The following NRXN3 variants were observed in gnomAD, a reference collection of about 807,000 sequenced individuals.
NRXN3 encodes the protein neurexin III.
NRXN3 carries 32 observed loss-of-function variants against 137.6 expected under a neutral mutation model. That is an observed-to-expected ratio of 0.23 (90% CI 0.18 to 0.31). NRXN3 has a LOEUF of 0.31. Among genes scored for constraint, NRXN3 ranks in the 10% least tolerant of loss-of-function variants. The pLI is 1.00. For synonymous variants in NRXN3, 798 were observed against 784.5 expected, an observed-to-expected ratio of 1.02 and a Z score of -0.29; for missense variants, 1,574 against 2,062.5, an observed-to-expected ratio of 0.76 and a Z score of 4.59.
chr14:78,782,600 A>G (rs772511103), intron 8 of NRXN3, among the ~76,000 whole-genome samples: 1 of 152,210 alleles, frequency 6.6e-6, no homozygotes, highest in Non-Finnish European at 1.5e-5. Flanking sequence ...GACTGGGTCT[A>G]AGGACCTTCA....
intron 16 of NRXN3, among the ~76,000 whole-genome samples, chr14:79,628,819 G>A (rs771560384): frequency 9.9e-5 from 15 of 152,188 alleles, no homozygotes; most frequent in Non-Finnish European, 1.5e-4. Context: ...ACTGTACGAC[G>A]TGAAAGTAGA....
intron 20 of NRXN3, among the ~76,000 whole-genome samples, chr14:79,810,279 G>A (rs2099227200): frequency 6.6e-6 from 1 of 152,112 alleles, no homozygotes; most frequent in South Asian, 2.1e-4. Flanking sequence ...TCGTTATCCA[G>A]GGGTATATTT....
chr14:79,196,043 A>G (rs540529861), intron 15 of NRXN3, among the ~76,000 whole-genome samples: 14 of 152,334 alleles, frequency 9.2e-5, no homozygotes, highest in Non-Finnish European at 1.6e-4. Context: ...CCAGATTGAC[A>G]TCCTCAAGTT....
intron 17 of NRXN3, among the ~76,000 whole-genome samples, chr14:79,668,343 G>A (rs1468099420): frequency 1.3e-5 from 2 of 151,932 alleles, no homozygotes; most frequent in Non-Finnish European, 2.9e-5. Flanking sequence ...CCTTCATATC[G>A]GTTATTACAT....
At chr14:78,468,233 C>T (rs901995134) in intron 4 of NRXN3, among the ~76,000 whole-genome samples, 3 of 152,078 alleles carry the variant, frequency 2.0e-5, no homozygotes, top group Non-Finnish European at 2.9e-5. Context: ...CCCAAAATTC[C>T]GTAGTTTAAA....
chr14:78,312,510 T>C (rs920903957), intron 4 of NRXN3, among the ~76,000 whole-genome samples: 10 of 152,232 alleles, frequency 6.6e-5, no homozygotes, highest in African/African-American at 1.9e-4. Flanking sequence ...TGTTGCTTAA[T>C]AGTTGTTTGC....
rs549191172 is a variant in NRXN3 at position 78,688,863 on chromosome 14, T to C, written c.1222-20354T>C. Among the ~76,000 whole-genome samples the C allele has an allele frequency of 2.0e-5, 3 of 151,990 alleles. No homozygotes were observed. The South Asian group carries it at 6.3e-4, about 32-fold the overall frequency. ...ATAGGAAAAGTATAGAGAAAAAAGATTGAGCGCTCACATTAATAAAATCAG... is the reference window on the plus strand; with the variant it reads ...ATAGGAAAAGTATAGAGAAAAAAGACTGAGCGCTCACATTAATAAAATCAG... On this transcript the variant is annotated intron_variant, in intron 6 of 20. Coordinates refer to ENST00000335750, the MANE Select transcript of NRXN3 (RefSeq NM_001330195.2).
chr14:79,307,399 G>A (rs1024825582), intron 15 of NRXN3, among the ~76,000 whole-genome samples: 1 of 152,014 alleles, frequency 6.6e-6, no homozygotes, highest in Admixed American at 6.6e-5. Context: ...AAATCCATGA[G>A]TTCATTCTGA....
intron 10 of NRXN3, among the ~76,000 whole-genome samples, chr14:78,876,859 A>G (rs540955319): frequency 6.6e-6 from 1 of 152,294 alleles, no homozygotes; most frequent in South Asian, 2.1e-4. Context: ...CACTCAATAA[A>G]TGTTAGCTAT....
chr14:79,550,301 TAC>T (rs1309410059), intron 16 of NRXN3, among the ~76,000 whole-genome samples: 8 of 152,086 alleles, frequency 5.3e-5, no homozygotes, highest in Non-Finnish European at 1.0e-4. Context: ...AGCTGGAAGA[TAC>T]CCTTATTCCT....
chr14:79,223,529 C>A (rs1568666284), intron 15 of NRXN3, among the ~76,000 whole-genome samples: 1 of 152,070 alleles, frequency 6.6e-6, no homozygotes. Context: ...TCCCTATGAG[C>A]AATTAAATAC....
chr14:78,750,527 A>G (rs1409638528), intron 8 of NRXN3, among the ~76,000 whole-genome samples: 1 of 152,202 alleles, frequency 6.6e-6, no homozygotes, highest in African/African-American at 2.4e-5. Flanking sequence ...TAAGGCTACA[A>G]TAAGGCAATT....
At chr14:79,078,182 T>G (rs1055310776) in intron 15 of NRXN3, among the ~76,000 whole-genome samples, 1 of 152,114 alleles carries the variant, frequency 6.6e-6, no homozygotes. Context: ...CAGGGTAAAA[T>G]CAAACTTTAG....
chr14:78,351,782 CT>C (rs11423743), intron 4 of NRXN3, among the ~76,000 whole-genome samples: 10,799 of 127,758 alleles, frequency 0.085, 420 homozygotes, highest in East Asian at 0.29. Flanking sequence ...TGGTATTTTT[CT>C]TTTTTTTTTT....
At chr14:79,542,585 C>T (rs928831682) in intron 16 of NRXN3, among the ~76,000 whole-genome samples, 1 of 152,138 alleles carries the variant, frequency 6.6e-6, no homozygotes, top group African/African-American at 2.4e-5. Context: ...CACTGTAGGG[C>T]CTAACCCCAC....
intron 20 of NRXN3, among the ~76,000 whole-genome samples, chr14:79,829,364 A>G (rs184479561): frequency 1.1e-3 from 171 of 152,320 alleles, no homozygotes; most frequent in African/African-American, 4.0e-3. Context: ...GGGTTGGAAC[A>G]TATGTATTCC....
chr14:79,774,731 A>ATAT (rs2099091232), intron 19 of NRXN3, among the ~76,000 whole-genome samples: 2 of 152,116 alleles, frequency 1.3e-5, no homozygotes, highest in Non-Finnish European at 2.9e-5. Context: ...CAGATTCTAG[A>ATAT]TATTATTTTC....
chr14:78,559,989 C>T (rs1164734891), intron 4 of NRXN3, among the ~76,000 whole-genome samples: 1 of 152,162 alleles, frequency 6.6e-6, no homozygotes, highest in African/African-American at 2.4e-5. Flanking sequence ...TGTATGCCCT[C>T]AATGCTTTGC....
intron 16 of NRXN3, chr14:79,632,471 C>G (rs541863908): frequency 6.6e-6 from 1 of 152,146 alleles, no homozygotes; most frequent in Non-Finnish European, 1.5e-5. Context: ...GCAGAAGGCT[C>G]TAACGTGGAA....
Sources: allele counts gnomAD v4.1 joint callset (sites outside exome capture counted in the v4.1 genomes callset), GRCh38; gene constraint gnomAD v4.1.1; transcripts MANE v1.5; gene names NCBI Gene and HGNC (gene_info 2026-07-23, HGNC 2026-07-21).